SORCS3: variants seen among roughly 807,000 people sequenced by gnomAD.
The protein encoded by SORCS3 is VPS10 domain-containing receptor SorCS3.
In SORCS3, 57 loss-of-function variants were observed where a neutral mutation model predicts 146.3. The observed-to-expected ratio is 0.39, with a 90% CI of 0.31 to 0.49. SORCS3 has a LOEUF of 0.49. Among genes scored for constraint, SORCS3 ranks in the 20% least tolerant of loss-of-function variants. SORCS3 has a pLI of 0.92. For synonymous variants in SORCS3, 653 were observed against 618.5 expected, an observed-to-expected ratio of 1.06 and a Z score of -0.83; for missense variants, 1,341 against 1,575.5, an observed-to-expected ratio of 0.85 and a Z score of 2.52.
At chr10:105,096,334 G>A (rs2055746805) in intron 6 of SORCS3, among the ~76,000 whole-genome samples, 1 of 152,166 alleles carries the variant, frequency 6.6e-6, no homozygotes, top group South Asian at 2.1e-4. Context: ...CATCTGGAGA[G>A]CTTGTTAAAA....
intron 1 of SORCS3, among the ~76,000 whole-genome samples, chr10:104,647,546 AC>A (rs763488802): frequency 1.3e-5 from 2 of 151,922 alleles, no homozygotes; most frequent in Non-Finnish European, 2.9e-5. Flanking sequence ...TTAAAACAGC[AC>A]CCCTTCCCTC....
At chr10:104,878,506 C>T (rs1316630918) in intron 2 of SORCS3, among the ~76,000 whole-genome samples, 1 of 151,996 alleles carries the variant, frequency 6.6e-6, no homozygotes, top group Non-Finnish European at 1.5e-5. Context: ...GAGCTATTGC[C>T]TTCTGTGTTT....
chr10:105,102,948 C>T (rs1356628726), intron 6 of SORCS3, among the ~76,000 whole-genome samples: 1 of 151,868 alleles, frequency 6.6e-6, no homozygotes, highest in African/African-American at 2.4e-5. Flanking sequence ...TGCTACCACA[C>T]CCAGCTAGTA....
intron 3 of SORCS3, among the ~76,000 whole-genome samples, chr10:104,927,049 T>C (rs957469025): frequency 2.6e-5 from 4 of 152,234 alleles, no homozygotes; most frequent in Non-Finnish European, 4.4e-5. Flanking sequence ...TTTTAGGTGC[T>C]TATGTTTGCT....
chr10:104,803,822 C>A (rs2017651753), intron 1 of SORCS3, among the ~76,000 whole-genome samples: 1 of 152,162 alleles, frequency 6.6e-6, no homozygotes, highest in Non-Finnish European at 1.5e-5. Context: ...ATTTTCTCCT[C>A]CAGCTCTTCC....
At chr10:104,789,210 A>G (rs564112674) in intron 1 of SORCS3, among the ~76,000 whole-genome samples, 3 of 152,348 alleles carry the variant, frequency 2.0e-5, no homozygotes, top group East Asian at 1.9e-4. Flanking sequence ...TTCAAGGTCC[A>G]GGCTTCTAAA....
intron 4 of SORCS3, among the ~76,000 whole-genome samples, chr10:104,987,744 A>G (rs550038582): frequency 2.6e-5 from 4 of 152,272 alleles, no homozygotes; most frequent in African/African-American, 9.6e-5. Flanking sequence ...GAACGCACCC[A>G]CCATAGGTAG....
intron 4 of SORCS3, among the ~76,000 whole-genome samples, chr10:105,018,177 T>C (rs962847449): frequency 6.6e-6 from 1 of 152,354 alleles, no homozygotes; most frequent in Non-Finnish European, 1.5e-5. Flanking sequence ...AATGCTTTGC[T>C]TCTCTTTTCT....
rs2056967134 is a variant in SORCS3, at chr10:105,262,443, A to G, written c.3556A>G (p.Thr1186Ala). 1.2e-6 allele frequency: 2 copies of G among 1,613,906 alleles called. No individual in the cohort carries two copies. Among genetic ancestry groups the G allele is most frequent in the African/African-American group, 2.7e-5 (2 of 74,922 alleles). The change falls in exon 26 of 27, where the codon ACG becomes GCG. Residue 1186 changes from threonine (T) to alanine (A), a missense_variant. Physicochemically the swap from Thr to Ala is moderately conservative, Grantham distance 58. Transcript: ENST00000369701. Reference protein sequence around the residue: ...NAPKITLSDFTEPEELLDKEL... With the variant: ...NAPKITLSDFAEPEELLDKEL... Reference sequence around the variant, plus strand: ...CCCCAAAATCACACTCAGTGACTTTACGGAGCCTGAGGAGCTGCTGGACAA... The same window carrying G: ...CCCCAAAATCACACTCAGTGACTTTGCGGAGCCTGAGGAGCTGCTGGACAA...
intron 5 of SORCS3, among the ~76,000 whole-genome samples, chr10:105,054,734 G>A (rs566456015): frequency 5.3e-5 from 8 of 152,122 alleles, no homozygotes; most frequent in African/African-American, 1.7e-4. Flanking sequence ...CGCAGCTTTC[G>A]TTTTACTGGA....
chr10:105,161,382 A>G lies in SORCS3; in HGVS notation c.1732+2388A>G, dbSNP rs73350898. Among the ~76,000 whole-genome samples, 1,261 of 152,278 alleles carry G rather than the reference A, an allele frequency of 8.3e-3. 13 individuals carry two copies. The highest frequency in any genetic ancestry group is 0.029 in the African/African-American group (1,200 of 41,550). ...TGGCCTGCATGGAGCCTGCCCCTGC[A>G]GGGTCCTTTCCCATATCCATGCCTT... is the stretch of plus-strand genomic sequence containing the variant. On this transcript the variant is annotated intron_variant, in intron 11 of 26. Transcript: ENST00000369701.
intron 20 of SORCS3, among the ~76,000 whole-genome samples, chr10:105,240,982 A>G (rs1310194013): frequency 6.6e-6 from 1 of 151,316 alleles, no homozygotes; most frequent in Non-Finnish European, 1.5e-5. Flanking sequence ...ATATCTATAT[A>G]TATCTCAGTA....
intron 2 of SORCS3, among the ~76,000 whole-genome samples, chr10:104,888,038 G>A (rs1387766678): frequency 8.1e-6 from 1 of 123,032 alleles, no homozygotes; most frequent in Non-Finnish European, 1.6e-5. Context: ...GGTTTATGGT[G>A]TGTTTTTTTT....
At chr10:104,813,508 T>G (rs1485528415) in intron 1 of SORCS3, among the ~76,000 whole-genome samples, 1 of 152,176 alleles carries the variant, frequency 6.6e-6, no homozygotes, top group Non-Finnish European at 1.5e-5. Flanking sequence ...CAGTAACATT[T>G]GTGGAAGGAT....
intron 2 of SORCS3, among the ~76,000 whole-genome samples, chr10:104,859,353 T>C (rs2451490): frequency 0.93 from 141,798 of 152,220 alleles, 66,206 homozygotes; most frequent in East Asian, 1. Context: ...GCTGGGAAAA[T>C]TGGCTAGCCA....
At chr10:104,794,659 G>GAGAA (rs1564685573) in intron 1 of SORCS3, among the ~76,000 whole-genome samples, 54 of 146,518 alleles carry the variant, frequency 3.7e-4, no homozygotes, top group Admixed American at 6.8e-4. Flanking sequence ...GAGAGAGAGA[G>GAGAA]AATATTATCC....
At chr10:104,994,052 G>A (rs2055009712) in intron 4 of SORCS3, among the ~76,000 whole-genome samples, 1 of 152,196 alleles carries the variant, frequency 6.6e-6, no homozygotes, top group Non-Finnish European at 1.5e-5. Flanking sequence ...ACATGTCTTT[G>A]AGAGTATCAG....
chr10:105,194,666 C>G (rs2056534645), intron 14 of SORCS3, among the ~76,000 whole-genome samples: 1 of 152,008 alleles, frequency 6.6e-6, no homozygotes, highest in South Asian at 2.1e-4. Flanking sequence ...TTTCAAGCAA[C>G]TATTGTTGAT....
intron 1 of SORCS3, among the ~76,000 whole-genome samples, chr10:104,768,015 T>C (rs2017202113): frequency 6.6e-6 from 1 of 152,140 alleles, no homozygotes; most frequent in East Asian, 1.9e-4. Flanking sequence ...ATAAGCAGAA[T>C]TGGCACTTGA....
Sources: gnomAD v4.1 joint callset for allele counts (sites outside exome capture counted in the v4.1 genomes callset) on GRCh38, gnomAD v4.1.1 for gene constraint, MANE v1.5 for transcripts, NCBI Gene and HGNC (gene_info 2026-07-23, HGNC 2026-07-21) for gene names.